The following DYM variants were observed in gnomAD, a reference collection of about 807,000 sequenced individuals.
DYM encodes dyggve-Melchior-Clausen syndrome protein.
DYM carries 78 observed loss-of-function variants against 93.1 expected under a neutral mutation model. The ratio of observed to expected loss-of-function variants is 0.84; its 90% CI spans 0.70 to 1.01. The LOEUF (loss-of-function observed/expected upper bound fraction) is 1.01. Ranked by LOEUF, DYM falls within the 50% of genes least tolerant of loss-of-function variation. The pLI, the probability that DYM is intolerant of heterozygous loss-of-function variation, is 0.00. For missense variants in DYM, 789 were observed against 845.0 expected, an observed-to-expected ratio of 0.93 and a Z score of 0.82; for synonymous variants, 321 against 319.7, an observed-to-expected ratio of 1.00 and a Z score of -0.04.
chr18:49,350,330 A>G (rs1002282610), intron 6 of DYM, among the ~76,000 whole-genome samples: 2 of 152,246 alleles, frequency 1.3e-5, no homozygotes, highest in African/African-American at 4.8e-5. Flanking sequence ...AAGTTGATCT[A>G]TAGCTACTGA....
chr18:49,251,391 T>C (rs554748046), intron 13 of DYM, among the ~76,000 whole-genome samples: 6 of 152,142 alleles, frequency 3.9e-5, no homozygotes, highest in African/African-American at 1.4e-4. Context: ...CAGGGTCCAG[T>C]AAGATAGAAT....
chr18:49,303,332 T>C (rs773172822), intron 8 of DYM, among the ~76,000 whole-genome samples: 1 of 152,190 alleles, frequency 6.6e-6, no homozygotes, highest in Non-Finnish European at 1.5e-5. Flanking sequence ...TGTCACTACA[T>C]TTAAGGTGCC....
intron 3 of DYM, among the ~76,000 whole-genome samples, chr18:49,386,995 T>C (rs2068694726): frequency 6.6e-6 from 1 of 150,774 alleles, no homozygotes; most frequent in East Asian, 2.0e-4. Context: ...CTAGGCTGAA[T>C]GTCGTAGTGT....
intron 6 of DYM, among the ~76,000 whole-genome samples, chr18:49,337,552 G>A (rs1232979776): frequency 2.6e-5 from 4 of 152,146 alleles, no homozygotes; most frequent in African/African-American, 7.2e-5. Flanking sequence ...TTTCTCTGTC[G>A]ATGGATCCTG....
chr18:49,092,490 G>C (rs2145438033), intron 17 of DYM, among the ~76,000 whole-genome samples: 2 of 152,298 alleles, frequency 1.3e-5, no homozygotes, highest in South Asian at 4.1e-4. Context: ...GCTCTACTCA[G>C]CTCTGCAACG....
chr18:49,158,924 CA>C (rs2086758105), intron 15 of DYM, among the ~76,000 whole-genome samples: 1 of 151,946 alleles, frequency 6.6e-6, no homozygotes, highest in Non-Finnish European at 1.5e-5. Flanking sequence ...GTTTGTAACA[CA>C]AAGAAAGGAT....
At chr18:49,424,481 T>C (rs1479702791) in intron 2 of DYM, among the ~76,000 whole-genome samples, 1 of 152,032 alleles carries the variant, frequency 6.6e-6, no homozygotes, top group Non-Finnish European at 1.5e-5. Context: ...CTTTGAAAAC[T>C]GGCACAGGAC....
intron 15 of DYM, among the ~76,000 whole-genome samples, chr18:49,134,234 C>A (rs1362983892): frequency 6.6e-6 from 1 of 151,928 alleles, no homozygotes; most frequent in African/African-American, 2.4e-5. Context: ...AACCAATTAG[C>A]CCCAATGATC....
intron 1 of DYM, among the ~76,000 whole-genome samples, chr18:49,446,039 A>G (rs1311279764): frequency 2.6e-5 from 4 of 152,348 alleles, no homozygotes; most frequent in African/African-American, 9.6e-5. Context: ...CAAGAAGTTA[A>G]TATGTATTAT....
At chr18:49,195,016 T>G (rs990806938) in intron 14 of DYM, among the ~76,000 whole-genome samples, 41 of 152,280 alleles carry the variant, frequency 2.7e-4, no homozygotes, top group Non-Finnish European at 4.9e-4. Context: ...TTTCCAATTT[T>G]GTGTTTAAAT....
intron 8 of DYM, among the ~76,000 whole-genome samples, chr18:49,307,154 T>C (rs2061322975): frequency 6.6e-6 from 1 of 152,106 alleles, no homozygotes. Context: ...CTTGCCTTCA[T>C]CTACTATATG....
intron 6 of DYM, among the ~76,000 whole-genome samples, chr18:49,349,403 G>C (rs1302884845): frequency 6.6e-6 from 1 of 152,050 alleles, no homozygotes; most frequent in Non-Finnish European, 1.5e-5. Flanking sequence ...AAGATAGACT[G>C]ACAGATTGAA....
At chr18:49,148,109 C>A (rs555241139) in intron 15 of DYM, among the ~76,000 whole-genome samples, 17 of 152,150 alleles carry the variant, frequency 1.1e-4, no homozygotes, top group South Asian at 8.3e-4. Flanking sequence ...AACCAAACAC[C>A]GCATGTTCTC....
chr18:49,298,450 G>C (rs550310687), intron 8 of DYM, among the ~76,000 whole-genome samples: 1 of 151,820 alleles, frequency 6.6e-6, no homozygotes, highest in South Asian at 2.1e-4. Flanking sequence ...GCCTGGTGGC[G>C]GGCACCTGTA....
chr18:49,372,373 A>G (rs2067126252), intron 5 of DYM, among the ~76,000 whole-genome samples: 1 of 152,282 alleles, frequency 6.6e-6, no homozygotes, highest in African/African-American at 2.4e-5. Flanking sequence ...CCAAAAACAG[A>G]AAGTTTTTAG....
At position 49,331,930 on chromosome 18, in the gene DYM, C is replaced by T. The variant is rs756450664; in HGVS notation, c.697G>A (p.Ala233Thr). Residue 233 changes from alanine to threonine, a missense_variant, in exon 8 of 18, where the codon GCC (alanine) becomes ACC (threonine). Physicochemically the swap from Ala to Thr is moderately conservative, Grantham distance 58 (BLOSUM62 0). Coordinates refer to ENST00000675505, the MANE Select transcript of DYM (RefSeq NM_001353214.3). Reference sequence around the variant, plus strand: ...TCCGACTGCTGAGGGAAAACATGGGCCCCTGGAGGAGGTGGCTTTTCTTGT... The same window carrying T: ...TCCGACTGCTGAGGGAAAACATGGGTCCCTGGAGGAGGTGGCTTTTCTTGT... The part of the protein sequence containing the change: ...IRQEKPPPPG[A>T]HVFPQQSDGG... 3.7e-6 allele frequency: 6 copies of T among 1,614,024 alleles called. No individual in the cohort carries two copies. In the Admixed American group the frequency reaches 1.0e-4, roughly 27 times the overall value.
At chr18:49,148,568 T>C (rs1031415164) in intron 15 of DYM, among the ~76,000 whole-genome samples, 2 of 152,128 alleles carry the variant, frequency 1.3e-5, no homozygotes, top group Non-Finnish European at 1.5e-5. Flanking sequence ...TTAAGATACA[T>C]GTTAAATACA....
intron 6 of DYM, among the ~76,000 whole-genome samples, chr18:49,355,789 C>A (rs1288330067): frequency 5.9e-5 from 9 of 151,662 alleles, no homozygotes; most frequent in Admixed American, 4.6e-4. Context: ...AAATTACTCT[C>A]AAAACTAAAT....
intron 9 of DYM, among the ~76,000 whole-genome samples, chr18:49,285,945 T>C (rs1454029270): frequency 6.6e-6 from 1 of 152,188 alleles, no homozygotes; most frequent in South Asian, 2.1e-4. Context: ...TATGGCTGCT[T>C]TGATGGAAAA....
Sources: gnomAD v4.1 joint callset for allele counts (sites outside exome capture counted in the v4.1 genomes callset) on GRCh38, gnomAD v4.1.1 for gene constraint, MANE v1.5 for transcripts, NCBI Gene and HGNC (gene_info 2026-07-23, HGNC 2026-07-21) for gene names.